HSD17B12: variants seen among roughly 807,000 people sequenced by gnomAD.
The protein encoded by HSD17B12 is hydroxysteroid 17-beta dehydrogenase 12.
In HSD17B12, 32 loss-of-function variants were observed where a neutral mutation model predicts 39.3. The observed-to-expected ratio is 0.81, with a 90% CI of 0.61 to 1.09. The LOEUF (loss-of-function observed/expected upper bound fraction) is 1.09, where lower values mean the gene tolerates loss of function less well. Ranked by LOEUF, HSD17B12 falls within the 50% of genes least tolerant of loss-of-function variation. HSD17B12 has a pLI of 0.00. For synonymous variants in HSD17B12, 150 were observed against 146.7 expected, an observed-to-expected ratio of 1.02 and a Z score of -0.16; for missense variants, 342 against 382.9, an observed-to-expected ratio of 0.89 and a Z score of 0.89.
intron 7 of HSD17B12, chr11:43,834,129 G>A (rs1951343018): frequency 6.6e-6 from 1 of 152,160 alleles, no homozygotes; most frequent in South Asian, 2.1e-4. Context: ...TACAATGTAA[G>A]TATTTGGATT....
At chr11:43,784,836 G>A (rs1950800832) in intron 3 of HSD17B12, among the ~76,000 whole-genome samples, 1 of 152,160 alleles carries the variant, frequency 6.6e-6, no homozygotes, top group African/African-American at 2.4e-5. Flanking sequence ...TTCTAAGCAG[G>A]TTTGTTCTTT....
At chr11:43,790,593 G>A (rs1950858458) in intron 3 of HSD17B12, among the ~76,000 whole-genome samples, 3 of 152,214 alleles carry the variant, frequency 2.0e-5, no homozygotes, top group Non-Finnish European at 4.4e-5. Context: ...AGAGTGGGTG[G>A]TGTGTACAGC....
At chr11:43,691,358 T>C (rs1397162677) in intron 1 of HSD17B12, among the ~76,000 whole-genome samples, 2 of 152,162 alleles carry the variant, frequency 1.3e-5, no homozygotes, top group African/African-American at 4.8e-5. Context: ...TTGTTTAGAG[T>C]TGATGCAAAT....
chr11:43,646,996 A>G, the HSD17B12 span, among the ~76,000 whole-genome samples: 1 of 152,220 alleles, frequency 6.6e-6, no homozygotes, highest in Non-Finnish European at 1.5e-5. Context: ...AGTTTCAACG[A>G]AACTGTTTTC....
chr11:43,824,980 A>C (rs2135098242), intron 6 of HSD17B12, among the ~76,000 whole-genome samples: 1 of 152,302 alleles, frequency 6.6e-6, no homozygotes, highest in South Asian at 2.1e-4. Flanking sequence ...AAAATAAAAA[A>C]ATTAGCCAGG....
the HSD17B12 span, among the ~76,000 whole-genome samples, chr11:43,613,435 G>T: frequency 2.0e-5 from 3 of 150,410 alleles, no homozygotes; most frequent in East Asian, 5.9e-4. Context: ...AAAAACAAAC[G>T]AACAACAACA....
At chr11:43,608,140 G>A in the HSD17B12 span, among the ~76,000 whole-genome samples, 3 of 152,102 alleles carry the variant, frequency 2.0e-5, no homozygotes, top group African/African-American at 7.2e-5. Flanking sequence ...AGGCTGAGGC[G>A]GGCAGATTGC....
At chr11:43,750,079 T>G (rs1445949049) in intron 1 of HSD17B12, among the ~76,000 whole-genome samples, 1 of 152,184 alleles carries the variant, frequency 6.6e-6, no homozygotes, top group Non-Finnish European at 1.5e-5. Context: ...TACTACCCTT[T>G]GTTTTAAAAA....
At chr11:43,742,621 G>A (rs1231338570) in intron 1 of HSD17B12, among the ~76,000 whole-genome samples, 1 of 151,976 alleles carries the variant, frequency 6.6e-6, no homozygotes, top group Non-Finnish European at 1.5e-5. Context: ...TAAAGGCTTT[G>A]TCATTTCCTT....
At chr11:43,601,375 C>T in the HSD17B12 span, among the ~76,000 whole-genome samples, 1 of 151,528 alleles carries the variant, frequency 6.6e-6, no homozygotes, top group Non-Finnish European at 1.5e-5. Context: ...TTTCTTTTTT[C>T]TTGATCACGC....
In HSD17B12 at chr11:43,754,779, G is replaced by A. The variant is rs1014891908; in HGVS notation, c.283+658G>A. On this transcript the variant is annotated intron_variant, in intron 3 of 10. Coordinates refer to ENST00000278353, the MANE Select transcript of HSD17B12 (RefSeq NM_016142.3). ...AATGTTTTTTACTCTTTTTATCTCA[G>A]TGTTTCTAAATGTATAACACATATG... is the stretch of plus-strand genomic sequence containing the variant. 7.2e-4 allele frequency: 464 copies of A among 648,866 alleles called. 3 individuals are homozygous for A. The highest frequency in any genetic ancestry group is 1.3e-4 in the Non-Finnish European group (49 of 363,382). 40.2% of individuals were successfully genotyped at this position (648,866 alleles called of 1,614,324 possible).
the HSD17B12 span, among the ~76,000 whole-genome samples, chr11:43,638,131 T>C: frequency 6.6e-6 from 1 of 152,218 alleles, no homozygotes; most frequent in East Asian, 1.9e-4. Context: ...GGTGCTTATA[T>C]GGCGATATTC....
the HSD17B12 span, among the ~76,000 whole-genome samples, chr11:43,602,110 G>C: frequency 6.6e-6 from 1 of 152,124 alleles, no homozygotes; most frequent in Non-Finnish European, 1.5e-5. Flanking sequence ...CTTGACTCTG[G>C]ATCTTTCTCT....
At chr11:43,622,601 G>T in the HSD17B12 span, among the ~76,000 whole-genome samples, 107 of 152,028 alleles carry the variant, frequency 7.0e-4, no homozygotes, top group African/African-American at 2.5e-3. Context: ...CTTTTATAAA[G>T]AAAAGAACTA....
intron 3 of HSD17B12, among the ~76,000 whole-genome samples, chr11:43,778,852 A>C (rs1402360256): frequency 6.6e-6 from 1 of 152,368 alleles, no homozygotes; most frequent in African/African-American, 2.4e-5. Flanking sequence ...TTACAAGTAT[A>C]CATACCATGA....
intron 3 of HSD17B12, among the ~76,000 whole-genome samples, chr11:43,761,769 T>C (rs1319107004): frequency 6.6e-6 from 1 of 152,194 alleles, no homozygotes; most frequent in Non-Finnish European, 1.5e-5. Flanking sequence ...ACTTCTCACA[T>C]GGTAACTATA....
chr11:43,813,475 T>G (rs551857632), intron 4 of HSD17B12, among the ~76,000 whole-genome samples: 3 of 152,296 alleles, frequency 2.0e-5, no homozygotes, highest in African/African-American at 7.2e-5. Flanking sequence ...TTCTGATGAA[T>G]ATTACAACTT....
intron 6 of HSD17B12, among the ~76,000 whole-genome samples, 196 bp downstream of exon 6, chr11:43,816,587 A>C (rs1468618968): frequency 6.6e-6 from 1 of 151,992 alleles, no homozygotes; most frequent in Non-Finnish European, 1.5e-5. Context: ...GTATTATTTG[A>C]CTTTTCATTT....
intron 9 of HSD17B12, among the ~76,000 whole-genome samples, chr11:43,843,951 A>T (rs4755749): frequency 6.6e-6 from 1 of 151,916 alleles, no homozygotes; most frequent in Non-Finnish European, 1.5e-5. Flanking sequence ...CACCTTTTCC[A>T]TGGCATCACA....
Sources: allele counts gnomAD v4.1 joint callset (sites outside exome capture counted in the v4.1 genomes callset), GRCh38; gene constraint gnomAD v4.1.1; transcripts MANE v1.5; gene names NCBI Gene and HGNC (gene_info 2026-07-23, HGNC 2026-07-21).